Variants in KMT2C observed in about 807,000 individuals in gnomAD.
KMT2C encodes lysine methyltransferase 2C.
Under a neutral mutation model 507.9 loss-of-function variants are expected in KMT2C, and 88 were observed. That is an observed-to-expected ratio of 0.17 (90% CI 0.15 to 0.21). KMT2C has a LOEUF of 0.21. Among genes scored for constraint, KMT2C ranks in the 10% least tolerant of loss-of-function variants. The probability of loss-of-function intolerance (pLI) is 1.00; values close to 1 mark genes in which losing one functional copy is unlikely to be tolerated. For missense variants in KMT2C, 4,954 were observed against 5,957.8 expected (o/e 0.83, Z 5.55); for synonymous variants, 2,049 against 2,080.8 (o/e 0.98, Z 0.42).
At chr7:152,391,812 T>C (rs1251084165) in intron 1 of KMT2C, among the ~76,000 whole-genome samples, 1 of 152,136 alleles carries the variant, frequency 6.6e-6, no homozygotes, top group African/African-American at 2.4e-5. Context: ...TGGCCGTTCT[T>C]GTTTTTCCTG....
intron 50 of KMT2C, 96 bp downstream of exon 50, chr7:152,151,346 C>T: frequency 7.8e-7 from 1 of 1,276,372 alleles, no homozygotes; most frequent in Admixed American, 2.0e-5. Context: ...ATCACACCAC[C>T]ATAAGTGGTG....
intron 1 of KMT2C, among the ~76,000 whole-genome samples, chr7:152,425,532 G>A (rs1032095245): frequency 9.2e-5 from 14 of 152,238 alleles, no homozygotes; most frequent in African/African-American, 3.1e-4. Context: ...AGCCGAGATC[G>A]TGCCACTGCA....
intron 9 of KMT2C, 37 bp downstream of exon 9, chr7:152,262,977 TAG>T (rs1175516080): frequency 6.8e-7 from 1 of 1,478,330 alleles, no homozygotes; most frequent in African/African-American, 1.4e-5. Context: ...ATATAAAACA[TAG>T]AGAGGATTTA....
rs773537302 is a variant in KMT2C at position 152,315,110 on chromosome 7, T to G, written c.590+28A>C. 5 of 1,573,600 alleles carry G rather than the reference T, an allele frequency of 3.2e-6. No homozygotes were observed. In the African/African-American group the frequency reaches 6.8e-5, roughly 21 times the overall value. ...TAAATTATATGCAGTCTTAATCTAT[T>G]CCAACATTTAAAGTCGAAACTGCTT... On this transcript the variant is annotated intron_variant, in intron 4 of 58. Transcript: ENST00000262189.
At chr7:152,289,395 T>C (rs2096366074) in intron 6 of KMT2C, among the ~76,000 whole-genome samples, 1 of 152,224 alleles carries the variant, frequency 6.6e-6, no homozygotes, top group African/African-American at 2.4e-5. Flanking sequence ...TGAATACACA[T>C]CTTTTAATTA....
At chr7:152,409,524 T>C (rs1355750576) in intron 1 of KMT2C, among the ~76,000 whole-genome samples, 1 of 149,002 alleles carries the variant, frequency 6.7e-6, no homozygotes, top group Non-Finnish European at 1.5e-5. Context: ...GAGACCATCC[T>C]GGCTACCACA....
intron 23 of KMT2C, chr7:152,220,296 T>G (rs2094726135): frequency 3.8e-6 from 2 of 526,230 alleles, no homozygotes; most frequent in African/African-American, 1.9e-5. Context: ...TGGTGCTCCT[T>G]GAGATTTCTG....
intron 26 of KMT2C, among the ~76,000 whole-genome samples, chr7:152,201,711 G>A (rs1431881000): frequency 6.7e-6 from 1 of 148,320 alleles, no homozygotes; most frequent in Non-Finnish European, 1.5e-5. Flanking sequence ...AAAAACAAAG[G>A]TGCAAACCTA....
intron 1 of KMT2C, chr7:152,366,994 C>T (rs144626300): frequency 8.9e-6 from 5 of 563,816 alleles, no homozygotes; most frequent in Admixed American, 3.2e-5. Flanking sequence ...CAGCCCCGGC[C>T]GCACCCTTGC....
chr7:152,338,811 T>C (rs959802416), intron 2 of KMT2C, among the ~76,000 whole-genome samples: 3 of 152,160 alleles, frequency 2.0e-5, no homozygotes, highest in African/African-American at 7.2e-5. Context: ...AATACATCAA[T>C]ATTAAAGAGA....
chr7:152,184,525 A>G (rs1157054451), intron 34 of KMT2C, among the ~76,000 whole-genome samples: 1 of 152,220 alleles, frequency 6.6e-6, no homozygotes, highest in African/African-American at 2.4e-5. Context: ...CTCTTTAAAC[A>G]TGTCTAAATA....
In KMT2C at chr7:152,179,876, G is replaced by C. The variant is rs2129117953; in HGVS notation, c.7400C>G (p.Pro2467Arg). Residue 2467 changes from proline (P) to arginine (R), a missense_variant, in exon 37 of 59, where the codon CCT becomes CGT. By Grantham distance (103) the Pro-to-Arg change is moderately radical. This residue lies in a region of KMT2C where 1,689 missense variants were observed against 1,654.3 expected (regional missense o/e 1.02). Coordinates refer to ENST00000262189, the MANE Select transcript of KMT2C (RefSeq NM_170606.3). Reference sequence around the variant, plus strand: ...CATCCCCATACTAGCAACATCAGGAGGATAGGGTCCACGCTGATCTTTTGG... The same window carrying C: ...CATCCCCATACTAGCAACATCAGGACGATAGGGTCCACGCTGATCTTTTGG... ...VFPKDQRGPY[P>R]PDVASMGMRP... 6.2e-7 allele frequency: 1 copy of C among 1,614,080 alleles called. No individual in the cohort carries two copies. Among genetic ancestry groups the C allele is most frequent in the Non-Finnish European group, 8.5e-7 (1 of 1,179,964 alleles).
At chr7:152,254,035 A>G (rs1202357618) in intron 9 of KMT2C, among the ~76,000 whole-genome samples, 1 of 152,198 alleles carries the variant, frequency 6.6e-6, no homozygotes, top group Non-Finnish European at 1.5e-5. Flanking sequence ...TATGAAAGGG[A>G]TGCTCACTTA....
In KMT2C at chr7:152,365,952, T is replaced by A. The variant is rs550672411; in HGVS notation, c.162-7277A>T. Among the ~76,000 whole-genome samples the A allele has an allele frequency of 4.7e-4, 71 of 152,142 alleles. 1 individual carries two copies. The highest frequency in any genetic ancestry group is 1.7e-3 in the African/African-American group (70 of 41,514). On this transcript the variant is annotated intron_variant, in intron 1 of 58. Transcript: ENST00000262189. ...AATGAGCAAAGAACTTCCACAGACATTTTCCAAAGAAGTTATACAAATGAC... is the reference window on the plus strand; with the variant it reads ...AATGAGCAAAGAACTTCCACAGACAATTTCCAAAGAAGTTATACAAATGAC...
chr7:152,238,960 A>T (rs528637406), intron 14 of KMT2C, 134 bp from the exon 15 acceptor site: 3 of 728,876 alleles, frequency 4.1e-6, no homozygotes, highest in East Asian at 2.9e-5. Flanking sequence ...TGCTTCAAGG[A>T]AGGCAAAATA....
chr7:152,176,625 A>T lies in KMT2C; in HGVS notation c.8828T>A (p.Leu2943Gln), dbSNP rs2129113357. 6.2e-7 allele frequency: 1 copy of T among 1,614,222 alleles called. No homozygotes were observed. The stretch of plus-strand genomic sequence containing the variant: ...CACATGATTGGATGGGGAGGCCGGC[A>T]GAGTTGGTGGTGGTGGAGACCCCGA... ...RPSGSPPPPTLPASPSNHVSS... is the reference protein window; with the variant it reads ...RPSGSPPPPTQPASPSNHVSS... Residue 2943 changes from leucine (L) to glutamine (Q), a missense_variant, in exon 38 of 59, where the codon CTG becomes CAG. Leu to Gln is a moderately radical substitution (Grantham distance 113, BLOSUM62 -2). Transcript: ENST00000262189.
At chr7:152,338,969 G>A (rs1347720975) in intron 2 of KMT2C, among the ~76,000 whole-genome samples, 1 of 152,174 alleles carries the variant, frequency 6.6e-6, no homozygotes, top group African/African-American at 2.4e-5. Flanking sequence ...CAAGTTCACA[G>A]AAATAAAGCA....
chr7:152,162,488 G>C lies in KMT2C; in HGVS notation c.11089C>G (p.Gln3697Glu). Residue 3697 changes from glutamine to glutamate, a missense_variant, in exon 43 of 59, where the codon CAG (glutamine) becomes GAG (glutamate). Physicochemically the swap from Gln to Glu is conservative, Grantham distance 29 (BLOSUM62 2). Transcript: ENST00000262189. ...TCTACTTCTGAATTTGCATACGTCT[G>C]TTGATTTGGAGTTGCTTGTGAGAAA... is the stretch of plus-strand genomic sequence containing the variant. ...SDFSQATPNQ[Q>E]TYANSEVDKL... The C allele has an allele frequency of 6.2e-7, 1 of 1,614,238 alleles. No homozygotes were observed.
chr7:152,424,432 TGA>T (rs1316240532), intron 1 of KMT2C, among the ~76,000 whole-genome samples: 1 of 152,144 alleles, frequency 6.6e-6, no homozygotes, highest in African/African-American at 2.4e-5. Context: ...TTTTTGTGTG[TGA>T]GAGAGAGAAA....
Sources: gnomAD v4.1 joint callset for allele counts (sites outside exome capture counted in the v4.1 genomes callset) on GRCh38, gnomAD v4.1.1 for gene constraint, gnomAD v4.1.1 regional missense constraint, MANE v1.5 for transcripts, NCBI Gene and HGNC (gene_info 2026-07-23, HGNC 2026-07-21) for gene names.